FBXO25: variants seen among roughly 807,000 people sequenced by gnomAD.
The protein encoded by FBXO25 is F-box protein 25.
In FBXO25, 45 loss-of-function variants were observed where a neutral mutation model predicts 51.9. The ratio of observed to expected loss-of-function variants is 0.87; its 90% CI spans 0.68 to 1.11. The LOEUF is 1.11. Ranked by LOEUF, FBXO25 falls within the 50% of genes most tolerant of loss-of-function variation. The pLI, the probability that FBXO25 is intolerant of heterozygous loss-of-function variation, is 0.00. For missense variants in FBXO25, 507 were observed against 428.5 expected, an observed-to-expected ratio of 1.18 and a Z score of -1.62; for synonymous variants, 199 against 151.0, an observed-to-expected ratio of 1.32 and a Z score of -2.33.
chr8:409,024 A>G (rs1433520087), intron 1 of FBXO25, among the ~76,000 whole-genome samples: 1 of 152,198 alleles, frequency 6.6e-6, no homozygotes, highest in African/African-American at 2.4e-5. Flanking sequence ...AGCTGAACAA[A>G]TACATTCCCA....
At chr8:468,015 T>C in intron 9 of FBXO25, 1 of 1,311,030 alleles carries the variant, frequency 7.6e-7, no homozygotes, top group Non-Finnish European at 9.7e-7. Context: ...ACACAGCACC[T>C]GGTTTGGCAG....
In FBXO25 at chr8:469,224, A is replaced by AGG. The variant is rs1800389905; in HGVS notation, c.*420_*421insGG. ...TACAAAACATTTGATCCTTGTAAAT[A>AGG]CATTGTACAGAATATTTATTTTTTC... is the stretch of plus-strand genomic sequence containing the variant. On this transcript the variant is annotated 3_prime_UTR_variant, in exon 10 of 10. Coordinates refer to ENST00000350302, the MANE Select transcript of FBXO25 (RefSeq NM_183420.2). 1 of 159,512 alleles carries AGG rather than the reference A, an allele frequency of 6.3e-6. No homozygotes were observed. Among genetic ancestry groups the AGG allele is most frequent in the South Asian group, 1.9e-4 (1 of 5,236 alleles). The allele number at this position is 159,512 out of a possible 1,614,324, so 9.9% of individuals were successfully genotyped here.
chr8:469,082 A>G lies in FBXO25; in HGVS notation c.*278A>G, dbSNP rs1800382853. The G allele has an allele frequency of 3.1e-6, 1 of 320,426 alleles. No homozygotes were observed. The highest frequency in any genetic ancestry group is 1.1e-4 in the South Asian group (1 of 8,756). 19.8% of individuals were successfully genotyped at this position (320,426 alleles called of 1,614,324 possible). On this transcript the variant is annotated 3_prime_UTR_variant, in exon 10 of 10. Coordinates refer to ENST00000350302, the MANE Select transcript of FBXO25 (RefSeq NM_183420.2). ...TCTCTCTCTCTATATATATAGTTCA[A>G]AAATACTTTAGGTGGTCAGCTCCAC...
chr8:455,500 C>T (rs975421012), intron 7 of FBXO25, among the ~76,000 whole-genome samples: 2 of 152,220 alleles, frequency 1.3e-5, no homozygotes, highest in South Asian at 2.1e-4. Flanking sequence ...CAGTTGGGAA[C>T]ACGGACTTGG....
chr8:408,207 CAT>C (rs1002472490), intron 1 of FBXO25, among the ~76,000 whole-genome samples: 7 of 152,160 alleles, frequency 4.6e-5, no homozygotes, highest in South Asian at 2.1e-4. Context: ...TAGGGAAACA[CAT>C]GTGGTCTTTT....
At position 470,058 on chromosome 8, in the gene FBXO25, C is replaced by G. The variant is rs1800427910; in HGVS notation, c.*1254C>G. 6.8e-6 allele frequency: 1 copy of G among 147,506 alleles called. No homozygotes were observed. Among genetic ancestry groups the G allele is most frequent in the Non-Finnish European group, 1.5e-5 (1 of 67,434 alleles). The allele number at this position is 147,506 out of a possible 1,614,324, so 9.1% of individuals were successfully genotyped here. Reference sequence around the variant, plus strand: ...AATGTCCCGTATACCACTGTTACTTCACAACGCCCCCCGTCCCGACCCTGC... The same window carrying G: ...AATGTCCCGTATACCACTGTTACTTGACAACGCCCCCCGTCCCGACCCTGC... On this transcript the variant is annotated 3_prime_UTR_variant, in exon 10 of 10. Coordinates refer to ENST00000350302, the MANE Select transcript of FBXO25 (RefSeq NM_183420.2).
intron 9 of FBXO25, 132 bp from the exon 10 acceptor site, chr8:468,583 G>A (rs1417689660): frequency 1.6e-6 from 1 of 642,158 alleles, no homozygotes; most frequent in African/African-American, 1.9e-5. Context: ...TCTCATCCAA[G>A]TTATCTCCCA....
At position 410,654 on chromosome 8, in the gene FBXO25, GA is replaced by G. The variant is rs112687589; in HGVS notation, c.-7-2418del. On this transcript the variant is annotated intron_variant, in intron 1 of 9. Coordinates refer to ENST00000350302, the MANE Select transcript of FBXO25 (RefSeq NM_183420.2). ...CTGTATGCTATTAGAGACAGTTTTA[GA>G]TAACTTTAGGTCGACTGAACATGGG... 7.7e-4 allele frequency among the ~76,000 whole-genome samples: 118 copies of G among 152,280 alleles called. 1 individual carries two copies. Among genetic ancestry groups the G allele is most frequent in the African/African-American group, 2.6e-3 (109 of 41,568 alleles).
rs536717817 is a variant in FBXO25 at position 419,657 on chromosome 8, G to A, written c.134+6444G>A. 1.3e-3 allele frequency among the ~76,000 whole-genome samples: 198 copies of A among 152,192 alleles called. 1 individual carries two copies. Among genetic ancestry groups the A allele is most frequent in the Non-Finnish European group, 2.4e-3 (164 of 68,000 alleles). Reference sequence around the variant, plus strand: ...TACAGCTCACATTTTATACAAAAATGAACTCAAAATGGATCATATACCTAA... The same window carrying A: ...TACAGCTCACATTTTATACAAAAATAAACTCAAAATGGATCATATACCTAA... On this transcript the variant is annotated intron_variant, in intron 2 of 9. Coordinates refer to ENST00000350302, the MANE Select transcript of FBXO25 (RefSeq NM_183420.2).
rs1800671927 is a variant in FBXO25 at position 477,215 on chromosome 8, G to C, written c.*8411G>C. On this transcript the variant is annotated 3_prime_UTR_variant, in exon 10 of 10. Transcript: ENST00000350302. ...GTCATCTAACATACTGTCTATCCTA[G>C]AGAAAGGTCCATTTGCACTTGAGAA... The C allele has an allele frequency of 6.6e-6, 1 of 152,144 alleles. No individual in the cohort carries two copies. The highest frequency in any genetic ancestry group is 2.4e-5 in the African/African-American group (1 of 41,432). 9.4% of individuals were successfully genotyped at this position (152,144 alleles called of 1,614,324 possible). A position where few individuals can be genotyped will look rare whatever the true frequency, so the allele number is the denominator to read the frequency against.
chr8:409,335 C>T (rs1226066232), intron 1 of FBXO25, among the ~76,000 whole-genome samples: 3 of 152,178 alleles, frequency 2.0e-5, no homozygotes, highest in African/African-American at 7.2e-5. Flanking sequence ...ATCTTTTCCT[C>T]TGTGTTGAAA....
intron 9 of FBXO25, among the ~76,000 whole-genome samples, chr8:466,075 C>T (rs1304945878): frequency 6.6e-6 from 1 of 152,124 alleles, no homozygotes; most frequent in Admixed American, 6.5e-5. Context: ...GTGAGTGGTC[C>T]CATCACAGCT....
At chr8:407,823 C>T (rs1435601545) in intron 1 of FBXO25, among the ~76,000 whole-genome samples, 1 of 152,088 alleles carries the variant, frequency 6.6e-6, no homozygotes, top group Admixed American at 6.5e-5. Context: ...TTTCTTGCAG[C>T]AGACACTAAT....
intron 7 of FBXO25, among the ~76,000 whole-genome samples, chr8:458,038 C>T (rs562099549): frequency 1.8e-4 from 28 of 152,348 alleles, no homozygotes; most frequent in African/African-American, 2.9e-4. Flanking sequence ...CATCCACAGA[C>T]GCTGCCCTTC....
intron 2 of FBXO25, among the ~76,000 whole-genome samples, chr8:414,262 G>A (rs1258126123): frequency 2.0e-5 from 3 of 152,158 alleles, no homozygotes; most frequent in Non-Finnish European, 2.9e-5. Flanking sequence ...TTTAAAGCTT[G>A]TAATTATGCT....
intron 2 of FBXO25, among the ~76,000 whole-genome samples, chr8:424,189 G>A (rs552794730): frequency 8.2e-5 from 12 of 145,862 alleles, no homozygotes; most frequent in African/African-American, 2.3e-4. Context: ...CGCAATTTCC[G>A]CTCACTCCTT....
chr8:436,395 T>A (rs953856970), intron 5 of FBXO25, among the ~76,000 whole-genome samples: 2 of 152,238 alleles, frequency 1.3e-5, no homozygotes, highest in African/African-American at 4.8e-5. Context: ...AAAATGTTGC[T>A]TTTAATTGCT....
At chr8:412,162 C>G (rs901857271) in intron 1 of FBXO25, among the ~76,000 whole-genome samples, 1 of 152,142 alleles carries the variant, frequency 6.6e-6, no homozygotes, top group Non-Finnish European at 1.5e-5. Flanking sequence ...TACCTGGAGT[C>G]TGGTATTTCA....
chr8:451,331 C>G lies in FBXO25; in HGVS notation c.538C>G (p.Leu180Val). The G allele has an allele frequency of 3.1e-6, 5 of 1,613,974 alleles. No homozygotes were observed. The highest frequency in any genetic ancestry group is 3.4e-6 in the Non-Finnish European group (4 of 1,179,960). ...KDLLQDLSST[L>V]CILIRGVGKS... is the part of the protein sequence containing the mutation. ...TCTTCTGCAAGACCTAAGCTCTACC[C>G]TCTGCATTCTTATTAGAGGAGTAGG... Residue 180 changes from leucine (L) to valine (V), a missense_variant, in exon 7 of 10, where the codon CTC (leucine) becomes GTC (valine). Physicochemically the swap from Leu to Val is conservative, Grantham distance 32 (BLOSUM62 1). Transcript: ENST00000350302.
Sources: allele counts gnomAD v4.1 joint callset (sites outside exome capture counted in the v4.1 genomes callset), GRCh38; gene constraint gnomAD v4.1.1; transcripts MANE v1.5; gene names NCBI Gene and HGNC (gene_info 2026-07-23, HGNC 2026-07-21).